Variants in CTNND2 observed in about 807,000 individuals in gnomAD.
CTNND2 encodes the protein catenin delta-2.
CTNND2 carries 22 observed loss-of-function variants against 144.4 expected under a neutral mutation model. The ratio of observed to expected loss-of-function variants is 0.15; its 90% CI spans 0.11 to 0.22. The LOEUF (loss-of-function observed/expected upper bound fraction) is 0.22. Ranked by LOEUF, CTNND2 falls within the 10% of genes least tolerant of loss-of-function variation. The probability of loss-of-function intolerance (pLI) is 1.00; values close to 1 mark genes in which losing one functional copy is unlikely to be tolerated. For synonymous variants in CTNND2, 751 were observed against 695.6 expected (o/e 1.08, Z -1.25); for missense variants, 1,353 against 1,618.8 (o/e 0.84, Z 2.82).
chr5:11,028,042 C>T (rs1309810800), intron 16 of CTNND2, among the ~76,000 whole-genome samples: 2 of 152,182 alleles, frequency 1.3e-5, no homozygotes, highest in African/African-American at 4.8e-5. Context: ...GGTCTAAAGA[C>T]CTGCATTCTC....
intron 2 of CTNND2, among the ~76,000 whole-genome samples, chr5:11,702,854 T>G (rs1046754710): frequency 6.6e-6 from 1 of 152,252 alleles, no homozygotes; most frequent in African/African-American, 2.4e-5. Flanking sequence ...AAACCAACCC[T>G]GACATCCTGG....
intron 16 of CTNND2, among the ~76,000 whole-genome samples, chr5:11,049,908 C>A (rs1745657847): frequency 6.6e-6 from 1 of 152,174 alleles, no homozygotes; most frequent in Admixed American, 6.5e-5. Flanking sequence ...CTCTTCTGTC[C>A]ATGTTGCTAC....
chr5:11,787,497 A>G (rs1289912723), intron 1 of CTNND2, among the ~76,000 whole-genome samples: 1 of 152,222 alleles, frequency 6.6e-6, no homozygotes, highest in Non-Finnish European at 1.5e-5. Flanking sequence ...GTTATGACTA[A>G]TCTGCCTGCA....
chr5:11,708,617 G>A (rs574040112), intron 2 of CTNND2, among the ~76,000 whole-genome samples: 86 of 152,122 alleles, frequency 5.7e-4, no homozygotes, highest in Non-Finnish European at 9.0e-4. Flanking sequence ...TATCTAGGGC[G>A]GGCCTTCTGC....
intron 21 of CTNND2, among the ~76,000 whole-genome samples, chr5:10,974,076 ACT>A (rs1736146180): frequency 2.6e-5 from 4 of 152,116 alleles, no homozygotes; most frequent in Admixed American, 2.6e-4. Flanking sequence ...CCAAACAGAA[ACT>A]CTGTGCCCAT....
chr5:11,179,763 TA>T (rs1281663705), intron 11 of CTNND2, among the ~76,000 whole-genome samples: 2 of 152,244 alleles, frequency 1.3e-5, no homozygotes, highest in East Asian at 1.9e-4. Flanking sequence ...ATATAATATT[TA>T]AAAAAATATG....
At chr5:11,692,297 T>C (rs1292394299) in intron 2 of CTNND2, among the ~76,000 whole-genome samples, 2 of 148,218 alleles carry the variant, frequency 1.3e-5, no homozygotes, top group East Asian at 1.9e-4. Flanking sequence ...TTTTAAAAAG[T>C]AAAAGAATAT....
chr5:11,070,851 T>C (rs1580198281), intron 16 of CTNND2, among the ~76,000 whole-genome samples: 2 of 152,114 alleles, frequency 1.3e-5, no homozygotes, highest in East Asian at 3.9e-4. Context: ...AGGGAAATTA[T>C]ATCAGATTTA....
At position 11,412,057 on chromosome 5, in the gene CTNND2, C is replaced by G. The variant is rs781308123; in HGVS notation, c.300G>C (p.Glu100Asp). The change falls in exon 4 of 22, where the codon GAG becomes GAC. Residue 100 changes from glutamate to aspartate, a missense_variant. Transcript: ENST00000304623. ...GSMSSMSSAE[E>D]QFQWQSQDGQ... ...TACCTTGTGACTGCCACTGAAACTG[C>G]TCTTCTGCTGAACTGTAAAAAAGAA... The G allele has an allele frequency of 5.0e-6, 8 of 1,611,226 alleles. No individual in the cohort carries two copies. The highest frequency in any genetic ancestry group is 5.9e-6 in the Non-Finnish European group (7 of 1,177,776).
At chr5:11,683,748 T>G (rs576283048) in intron 2 of CTNND2, among the ~76,000 whole-genome samples, 74 of 152,324 alleles carry the variant, frequency 4.9e-4, no homozygotes, top group Non-Finnish European at 9.1e-4. Context: ...TGGAATCATA[T>G]AAACAAGAAA....
chr5:11,175,111 T>G (rs531124788), intron 11 of CTNND2, among the ~76,000 whole-genome samples: 1 of 151,906 alleles, frequency 6.6e-6, no homozygotes, highest in South Asian at 2.1e-4. Context: ...CAAACCAAAT[T>G]TTAGATTGCT....
At chr5:11,269,051 A>G (rs1745740057) in intron 9 of CTNND2, among the ~76,000 whole-genome samples, 1 of 152,226 alleles carries the variant, frequency 6.6e-6, no homozygotes, top group African/African-American at 2.4e-5. Flanking sequence ...AGCTAAGAGC[A>G]TGGCCTCTGG....
intron 8 of CTNND2, among the ~76,000 whole-genome samples, chr5:11,362,441 A>C (rs553405389): frequency 9.2e-5 from 14 of 152,292 alleles, no homozygotes; most frequent in African/African-American, 2.6e-4. Context: ...TTAGGTATAG[A>C]CACAGGGGTA....
intron 9 of CTNND2, among the ~76,000 whole-genome samples, chr5:11,262,994 G>C (rs555926541): frequency 6.6e-6 from 1 of 151,958 alleles, no homozygotes; most frequent in Non-Finnish European, 1.5e-5. Flanking sequence ...ATTTCCGATG[G>C]CTCTCACAAA....
At chr5:11,340,749 A>G (rs1205359263) in intron 9 of CTNND2, among the ~76,000 whole-genome samples, 1 of 152,218 alleles carries the variant, frequency 6.6e-6, no homozygotes, top group Non-Finnish European at 1.5e-5. Context: ...ATAGGTATGA[A>G]TGTCCATTAC....
intron 1 of CTNND2, among the ~76,000 whole-genome samples, chr5:11,737,013 A>G (rs1787718578): frequency 6.7e-6 from 1 of 148,384 alleles, no homozygotes; most frequent in Non-Finnish European, 1.5e-5. Flanking sequence ...GTACATGTTG[A>G]AAGTTATCTA....
chr5:11,031,641 G>A (rs190666509), intron 16 of CTNND2, among the ~76,000 whole-genome samples: 2 of 152,302 alleles, frequency 1.3e-5, no homozygotes, highest in African/African-American at 4.8e-5. Flanking sequence ...TAACATTTGA[G>A]TCAGTGGATT....
intron 11 of CTNND2, among the ~76,000 whole-genome samples, chr5:11,174,654 T>C (rs1465131996): frequency 2.6e-5 from 4 of 152,160 alleles, no homozygotes; most frequent in Non-Finnish European, 5.9e-5. Flanking sequence ...CAAATAAAAA[T>C]GCGTTAGCCA....
At chr5:11,609,756 G>A (rs930100540) in intron 2 of CTNND2, among the ~76,000 whole-genome samples, 1 of 152,126 alleles carries the variant, frequency 6.6e-6, no homozygotes, top group Admixed American at 6.5e-5. Flanking sequence ...GCCTGGCTGG[G>A]ACCCAGGTGG....
Sources: allele counts gnomAD v4.1 joint callset (sites outside exome capture counted in the v4.1 genomes callset), GRCh38; gene constraint gnomAD v4.1.1; transcripts MANE v1.5; gene names NCBI Gene and HGNC (gene_info 2026-07-23, HGNC 2026-07-21).